NSMAF: variants seen among roughly 807,000 people sequenced by gnomAD.
The protein encoded by NSMAF is neutral sphingomyelinase activation associated factor.
Under a neutral mutation model 134.9 loss-of-function variants are expected in NSMAF, and 90 were observed. The ratio of observed to expected loss-of-function variants is 0.67; its 90% confidence interval spans 0.56 to 0.79. NSMAF has a LOEUF of 0.79. Ranked by LOEUF, NSMAF falls within the 30% of genes least tolerant of loss-of-function variation. The pLI is 0.00. For synonymous variants in NSMAF, 358 were observed against 389.6 expected, an observed-to-expected ratio of 0.92 and a Z score of 0.96; for missense variants, 1,010 against 1,119.0, an observed-to-expected ratio of 0.90 and a Z score of 1.39.
At chr8:58,644,149 A>C (rs949154220) in intron 1 of NSMAF, among the ~76,000 whole-genome samples, 31 of 152,226 alleles carry the variant, frequency 2.0e-4, no homozygotes, top group African/African-American at 7.5e-4. Context: ...GATGGGCCTT[A>C]AGTTCCAGTG....
intron 1 of NSMAF, among the ~76,000 whole-genome samples, chr8:58,658,442 T>G (rs1282539695): frequency 6.6e-6 from 1 of 152,238 alleles, no homozygotes; most frequent in Non-Finnish European, 1.5e-5. Flanking sequence ...GTGGACACAC[T>G]GGTTAGACCA....
chr8:58,639,296 AAAAG>A (rs1224176500), intron 2 of NSMAF, among the ~76,000 whole-genome samples: 38 of 145,648 alleles, frequency 2.6e-4, no homozygotes, highest in South Asian at 6.6e-4. Flanking sequence ...TAAAAAAAAA[AAAAG>A]AAGAAGAAGA....
intron 6 of NSMAF, among the ~76,000 whole-genome samples, chr8:58,627,998 A>G (rs1194854354): frequency 6.6e-6 from 1 of 152,234 alleles, no homozygotes; most frequent in African/African-American, 2.4e-5. Context: ...CTACAATGCT[A>G]TAGTTACCAA....
intron 1 of NSMAF, among the ~76,000 whole-genome samples, chr8:58,656,376 T>C (rs1298103798): frequency 6.6e-6 from 1 of 152,144 alleles, no homozygotes; most frequent in Non-Finnish European, 1.5e-5. Context: ...ATCCTTAAAA[T>C]TACCAAAACA....
Position 58,583,900 on chromosome 8 carries a change from CACAGCCGCATTT to C in NSMAF, c.*194_*205del. 1 of 565,676 alleles carries C rather than the reference CACAGCCGCATTT, an allele frequency of 1.8e-6. No homozygotes were observed. 35.0% of individuals were successfully genotyped at this position (565,676 alleles called of 1,614,324 possible). A position where few individuals can be genotyped will look rare whatever the true frequency, so the allele number is the denominator to read the frequency against. The stretch of plus-strand genomic sequence containing the variant: ...TTACAGTGTAACATGTTTTTCCTAA[CACAGCCGCATTT>C]TATCTGCCCTAAGAGAATAGCAACT... On this transcript the variant is annotated 3_prime_UTR_variant, in exon 31 of 31. Coordinates refer to ENST00000038176, the MANE Select transcript of NSMAF (RefSeq NM_003580.4).
Position 58,586,447 on chromosome 8 carries a change from A to T in NSMAF, c.2446+11T>A. The T allele has an allele frequency of 6.2e-7, 1 of 1,612,010 alleles. No individual in the cohort carries two copies. The highest frequency in any genetic ancestry group is 8.5e-7 in the Non-Finnish European group (1 of 1,178,576). ...CCTAGTATTATCTGTTTTAAAAAGG[A>T]TAATATCTACCTGGGCTAAAAGCAG... On this transcript the variant is annotated intron_variant, in intron 28 of 30. Coordinates refer to ENST00000038176, the MANE Select transcript of NSMAF (RefSeq NM_003580.4).
intron 9 of NSMAF, among the ~76,000 whole-genome samples, chr8:58,614,645 G>A (rs907413126): frequency 6.6e-6 from 1 of 152,160 alleles, no homozygotes; most frequent in Non-Finnish European, 1.5e-5. Context: ...CCACCCCTTT[G>A]GAGAAGTGTG....
chr8:58,591,113 A>G (rs974404390), intron 23 of NSMAF, 179 bp from the exon 24 acceptor site: 2 of 558,792 alleles, frequency 3.6e-6, no homozygotes, highest in African/African-American at 3.9e-5. Flanking sequence ...TCCAACATTA[A>G]GATTCTATGA....
At chr8:58,658,921 G>T (rs953176939) in intron 1 of NSMAF, among the ~76,000 whole-genome samples, 4 of 152,202 alleles carry the variant, frequency 2.6e-5, no homozygotes, top group Non-Finnish European at 5.9e-5. Flanking sequence ...TCCAACACAA[G>T]GTCCACTGCG....
chr8:58,587,594 G>A (rs746278146), intron 27 of NSMAF, 24 bp downstream of exon 27: 3 of 1,606,908 alleles, frequency 1.9e-6, no homozygotes, highest in Admixed American at 1.7e-5. Flanking sequence ...TCAGTTTTCT[G>A]TACAGTTTGT....
At chr8:58,616,259 T>A (rs1489506408) in intron 9 of NSMAF, among the ~76,000 whole-genome samples, 1 of 152,082 alleles carries the variant, frequency 6.6e-6, no homozygotes, top group African/African-American at 2.4e-5. Context: ...AAAGAAAACC[T>A]CCATACTATT....
chr8:58,639,263 GAC>G (rs1282229480), intron 2 of NSMAF, among the ~76,000 whole-genome samples: 1 of 150,966 alleles, frequency 6.6e-6, no homozygotes, highest in Non-Finnish European at 1.5e-5. Context: ...CAGCCTAGGT[GAC>G]AGAGTGAGAC....
intron 1 of NSMAF, among the ~76,000 whole-genome samples, chr8:58,653,745 G>T (rs1191221643): frequency 6.6e-6 from 1 of 152,076 alleles, no homozygotes; most frequent in Non-Finnish European, 1.5e-5. Flanking sequence ...AAGATGAAAT[G>T]ACAATGGTAT....
chr8:58,589,053 G>GT (rs1034050016), intron 26 of NSMAF, among the ~76,000 whole-genome samples: 4 of 150,440 alleles, frequency 2.7e-5, no homozygotes, highest in Admixed American at 6.6e-5. Context: ...ATAAGGAAGT[G>GT]TTTTTTTTAA....
chr8:58,591,347 C>T (rs1563523506), intron 23 of NSMAF, among the ~76,000 whole-genome samples: 1 of 151,864 alleles, frequency 6.6e-6, no homozygotes. Context: ...AAAAACTGCC[C>T]AATTATATAT....
At chr8:58,615,205 T>C (rs1242374425) in intron 9 of NSMAF, among the ~76,000 whole-genome samples, 1 of 152,192 alleles carries the variant, frequency 6.6e-6, no homozygotes. Flanking sequence ...AATGCATAAA[T>C]TGACAGAAAT....
chr8:58,624,034 G>GTT (rs1806854800), intron 6 of NSMAF, among the ~76,000 whole-genome samples: 2 of 107,394 alleles, frequency 1.9e-5, no homozygotes, highest in African/African-American at 3.3e-5. Context: ...ATAGAGTTAG[G>GTT]ATTTTTTTTT....
In NSMAF at chr8:58,647,528, G is replaced by T. The variant is rs1004585390; in HGVS notation, c.60-4455C>A. ...GTTGAAGGTGGAGGCCCGGTAGGAG[G>T]TGATTGGATCATGGGGGTAGATCCC... On this transcript the variant is annotated intron_variant, in intron 1 of 30. Transcript: ENST00000038176. 2.0e-5 allele frequency among the ~76,000 whole-genome samples: 3 copies of T among 152,156 alleles called. No homozygotes were observed. The East Asian group carries it at 5.8e-4, about 29-fold the overall frequency.
intron 2 of NSMAF, among the ~76,000 whole-genome samples, chr8:58,638,579 GA>G (rs889308634): frequency 2.7e-5 from 4 of 147,310 alleles, no homozygotes; most frequent in South Asian, 4.3e-4. Flanking sequence ...TATCCCCGTG[GA>G]AAAAAAAAAG....
Sources: allele counts gnomAD v4.1 joint callset (sites outside exome capture counted in the v4.1 genomes callset), GRCh38; gene constraint gnomAD v4.1.1; transcripts MANE v1.5; gene names NCBI Gene and HGNC (gene_info 2026-07-23, HGNC 2026-07-21).